The following MYT1L variants were observed in gnomAD, a reference collection of about 807,000 sequenced individuals.
The protein encoded by MYT1L is myelin transcription factor 1-like protein.
In MYT1L, 12 loss-of-function variants were observed where a neutral mutation model predicts 126.7. That is an observed-to-expected ratio of 0.09 (90% CI 0.06 to 0.15). The LOEUF is 0.15. MYT1L is among the 10% of genes least tolerant of loss of function. The probability of loss-of-function intolerance (pLI) is 1.00; values close to 1 mark genes in which losing one functional copy is unlikely to be tolerated. For synonymous variants in MYT1L, 541 were observed against 604.2 expected, an observed-to-expected ratio of 0.90 and a Z score of 1.53; for missense variants, 979 against 1,585.2, an observed-to-expected ratio of 0.62 and a Z score of 6.49.
intron 13 of MYT1L, among the ~76,000 whole-genome samples, chr2:1,908,134 G>A (rs1051313233): frequency 2.6e-5 from 4 of 152,266 alleles, no homozygotes; most frequent in African/African-American, 9.6e-5. Context: ...CCCAGCCTCT[G>A]CTCGGTTGGC....
At chr2:1,911,381 G>GA (rs896465759) in intron 12 of MYT1L, among the ~76,000 whole-genome samples, 10 of 151,002 alleles carry the variant, frequency 6.6e-5, no homozygotes, top group South Asian at 2.1e-4. Context: ...TGGCCTCTGG[G>GA]AAAAAAAAAG....
At chr2:2,226,170 T>C (rs989125179) in intron 2 of MYT1L, among the ~76,000 whole-genome samples, 2 of 152,170 alleles carry the variant, frequency 1.3e-5, no homozygotes, top group Admixed American at 6.5e-5. Context: ...TCAGGCTTGC[T>C]GCACCCCAAA....
At chr2:2,188,977 C>A (rs71442322) in intron 2 of MYT1L, among the ~76,000 whole-genome samples, 1 of 152,164 alleles carries the variant, frequency 6.6e-6, no homozygotes, top group East Asian at 1.9e-4. Context: ...GTTTACTCTG[C>A]GAGACTACAG....
chr2:1,865,783 C>T (rs991659903), intron 18 of MYT1L, among the ~76,000 whole-genome samples: 4 of 152,014 alleles, frequency 2.6e-5, no homozygotes, highest in African/African-American at 7.2e-5. Flanking sequence ...ACACAAGGCG[C>T]GTGGTGGGTT....
intron 4 of MYT1L, among the ~76,000 whole-genome samples, chr2:2,053,381 C>T (rs548454033): frequency 6.6e-6 from 1 of 152,220 alleles, no homozygotes; most frequent in African/African-American, 2.4e-5. Context: ...ACTAATTGCA[C>T]ATTTGAAAAC....
chr2:1,856,264 C>T (rs569266574), intron 18 of MYT1L, among the ~76,000 whole-genome samples: 1 of 152,168 alleles, frequency 6.6e-6, no homozygotes, highest in Non-Finnish European at 1.5e-5. Flanking sequence ...CCCTTGTCCC[C>T]TTTGTGCTCC....
intron 3 of MYT1L, among the ~76,000 whole-genome samples, chr2:2,069,970 C>T (rs919193701): frequency 2.7e-5 from 4 of 150,136 alleles, no homozygotes; most frequent in Non-Finnish European, 5.9e-5. Flanking sequence ...GACATTTATG[C>T]AGCCAACAAA....
intron 9 of MYT1L, among the ~76,000 whole-genome samples, chr2:1,931,887 C>T (rs2055050942): frequency 6.6e-6 from 1 of 152,158 alleles, no homozygotes; most frequent in Non-Finnish European, 1.5e-5. Flanking sequence ...CGTGCATCAC[C>T]TCACTCCTGT....
intron 4 of MYT1L, among the ~76,000 whole-genome samples, chr2:2,018,075 T>G (rs1305568544): frequency 6.6e-6 from 1 of 152,186 alleles, no homozygotes; most frequent in East Asian, 1.9e-4. Flanking sequence ...ATTTTCCACA[T>G]GGATTCAAAA....
Position 1,887,049 on chromosome 2 carries a change from G to A in MYT1L, c.2642+439C>T. On this transcript the variant is annotated intron_variant, in intron 17 of 24. Transcript: ENST00000647738. This position sits in a 1 kb window ranked among gnomAD's most constrained non-coding sequence, Gnocchi z 4.8. ...AGACAGAATCCACCATGAGAAAAAT[G>A]AAGTCACACCTTCTGTGTGAGGCGT... 1 of 404,682 alleles carries A rather than the reference G, an allele frequency of 2.5e-6. No homozygotes were observed. The highest frequency in any genetic ancestry group is 4.3e-6 in the Non-Finnish European group (1 of 230,124). The allele number at this position is 404,682 out of a possible 1,614,324, so 25.1% of individuals were successfully genotyped here.
At chr2:2,188,579 T>G (rs2092369518) in intron 2 of MYT1L, among the ~76,000 whole-genome samples, 1 of 152,216 alleles carries the variant, frequency 6.6e-6, no homozygotes. Flanking sequence ...CTAGGTCTAT[T>G]AAGAGTCAGA....
chr2:2,018,515 T>C (rs963694518), intron 4 of MYT1L, among the ~76,000 whole-genome samples: 1 of 152,184 alleles, frequency 6.6e-6, no homozygotes, highest in African/African-American at 2.4e-5. Flanking sequence ...GTGCTCCTTT[T>C]GTGGAGGAGG....
rs117317066 is a variant in MYT1L, at chr2:1,907,311, C to T, written c.1817+2929G>A. On this transcript the variant is annotated intron_variant, in intron 13 of 24. Coordinates refer to ENST00000647738, the MANE Select transcript of MYT1L (RefSeq NM_001303052.2). Reference sequence around the variant, plus strand: ...TTGATTTTTAAGGTTAAGATCTGTGCGGGGAGTGGGAGGGGGCGGTGTGGT... The same window carrying T: ...TTGATTTTTAAGGTTAAGATCTGTGTGGGGAGTGGGAGGGGGCGGTGTGGT... Among the ~76,000 whole-genome samples, 155 of 151,804 alleles carry T rather than the reference C, an allele frequency of 1.0e-3. 1 individual carries two copies. The East Asian group carries it at 0.027, about 26-fold the overall frequency.
At chr2:2,033,935 G>A (rs1239656314) in intron 4 of MYT1L, among the ~76,000 whole-genome samples, 2 of 152,136 alleles carry the variant, frequency 1.3e-5, no homozygotes, top group Non-Finnish European at 2.9e-5. Flanking sequence ...TAATGAGAAG[G>A]GGTGCATTAC....
chr2:2,109,131 G>C (rs547475063), intron 3 of MYT1L, among the ~76,000 whole-genome samples: 3 of 152,306 alleles, frequency 2.0e-5, no homozygotes, highest in Admixed American at 2.0e-4. Flanking sequence ...CAATAATGAT[G>C]GATCAGTATG....
At chr2:2,321,789 C>T (rs2096171852) in intron 1 of MYT1L, among the ~76,000 whole-genome samples, 1 of 152,136 alleles carries the variant, frequency 6.6e-6, no homozygotes, top group South Asian at 2.1e-4. Context: ...TTGAAAATTT[C>T]TCAAGCAAGT....
intron 5 of MYT1L, among the ~76,000 whole-genome samples, chr2:1,988,131 C>T (rs2061190942): frequency 6.6e-6 from 1 of 152,116 alleles, no homozygotes; most frequent in African/African-American, 2.4e-5. Flanking sequence ...CCCAGCTGCA[C>T]CTACAGGGTA....
chr2:2,022,622 C>T (rs990651417), intron 4 of MYT1L, among the ~76,000 whole-genome samples: 11 of 151,988 alleles, frequency 7.2e-5, no homozygotes, highest in African/African-American at 2.7e-4. Flanking sequence ...TCCAAGATGC[C>T]CGCTTGGGCC....
At chr2:2,158,821 G>GGCAGACA (rs2087242980) in intron 3 of MYT1L, among the ~76,000 whole-genome samples, 1 of 152,138 alleles carries the variant, frequency 6.6e-6, no homozygotes, top group Non-Finnish European at 1.5e-5. Context: ...TTCACCGACA[G>GGCAGACA]GCAGACAGCG....
Sources: gnomAD v4.1 joint callset for allele counts (sites outside exome capture counted in the v4.1 genomes callset) on GRCh38, gnomAD v4.1.1 for gene constraint, Gnocchi (gnomAD v3.1) non-coding constraint, MANE v1.5 for transcripts, NCBI Gene and HGNC (gene_info 2026-07-23, HGNC 2026-07-21) for gene names.